The following SBNO2 variants were observed in gnomAD, a reference collection of about 807,000 sequenced individuals.
The protein encoded by SBNO2 is strawberry notch homolog 2.
In SBNO2, 89 loss-of-function variants were observed where a neutral mutation model predicts 146.3. The ratio of observed to expected loss-of-function variants is 0.61; its 90% CI spans 0.51 to 0.73. The LOEUF (loss-of-function observed/expected upper bound fraction) is 0.73. SBNO2 is among the 30% of genes least tolerant of loss of function. The probability of loss-of-function intolerance (pLI) is 0.00; values close to 1 mark genes in which losing one functional copy is unlikely to be tolerated. For synonymous variants in SBNO2, 1,147 were observed against 892.6 expected (o/e 1.29, Z -5.08); for missense variants, 2,092 against 2,003.7 (o/e 1.04, Z -0.84).
chr19:1,127,880 G>A, intron 4 of SBNO2, 115 bp from the exon 5 acceptor site: 1 of 933,342 alleles, frequency 1.1e-6, no homozygotes, highest in South Asian at 1.6e-5. Context: ...TGGAGCATGT[G>A]GGAATGGGAG....
At chr19:1,113,387 C>T in intron 19 of SBNO2, 148 bp downstream of exon 19, 1 of 735,908 alleles carries the variant, frequency 1.4e-6, no homozygotes, top group Non-Finnish European at 2.1e-6. Context: ...CGCTGCTGCC[C>T]CAGGGCTCCC....
chr19:1,125,669 C>CT (rs2079957135), intron 5 of SBNO2, among the ~76,000 whole-genome samples: 1 of 139,856 alleles, frequency 7.2e-6, no homozygotes, highest in Admixed American at 6.9e-5. Flanking sequence ...GCGAGAGACT[C>CT]TGTCTTAAAA....
At chr19:1,113,469 C>T (rs2079792497) in intron 19 of SBNO2, 66 bp downstream of exon 19, 1 of 1,377,300 alleles carries the variant, frequency 7.3e-7, no homozygotes, top group African/African-American at 1.5e-5. Flanking sequence ...TGCACACAGC[C>T]TGCGTGAAGC....
intron 3 of SBNO2, among the ~76,000 whole-genome samples, chr19:1,148,400 C>T (rs1279357098): frequency 2.0e-5 from 3 of 151,924 alleles, no homozygotes; most frequent in Admixed American, 6.5e-5. Flanking sequence ...CTCGACTGCT[C>T]GCCTGGCCAA....
At chr19:1,152,307 C>T (rs1166285634) in intron 2 of SBNO2, among the ~76,000 whole-genome samples, 1 of 152,204 alleles carries the variant, frequency 6.6e-6, no homozygotes, top group Non-Finnish European at 1.5e-5. Context: ...AATTATTTCC[C>T]CACCGTAGAG....
chr19:1,120,119 G>A (rs2079882820), intron 11 of SBNO2, 96 bp from the exon 12 acceptor site: 2 of 941,770 alleles, frequency 2.1e-6, no homozygotes, highest in African/African-American at 1.7e-5. Context: ...CCTGGTGGGG[G>A]GCAAACGCCT....
chr19:1,155,118 G>T (rs2080278372), intron 1 of SBNO2: 1 of 152,252 alleles, frequency 6.6e-6, no homozygotes, highest in Admixed American at 6.5e-5. Context: ...CTGGCCCGTG[G>T]TGGCAGGGAA....
At chr19:1,117,008 T>C (rs8112247) in intron 15 of SBNO2, 82 bp from the exon 16 acceptor site, 703,024 of 1,300,702 alleles carry the variant, frequency 0.54, 191,403 homozygotes, top group African/African-American at 0.76. Flanking sequence ...CCTGGGGTGA[T>C]GGCCACATCC....
chr19:1,145,623 G>A (rs1179590069), intron 4 of SBNO2, among the ~76,000 whole-genome samples: 1 of 152,146 alleles, frequency 6.6e-6, no homozygotes, highest in Admixed American at 6.5e-5. Context: ...TGAGGAAGGA[G>A]CCACTGCCAT....
At chr19:1,172,016 C>T (rs1282297765) in intron 1 of SBNO2, among the ~76,000 whole-genome samples, 3 of 152,182 alleles carry the variant, frequency 2.0e-5, no homozygotes, top group African/African-American at 4.8e-5. Context: ...CTCTTCTGTG[C>T]TCTGACAGGC....
intron 14 of SBNO2, 121 bp downstream of exon 14, chr19:1,118,890 A>C: frequency 2.9e-6 from 3 of 1,030,366 alleles, no homozygotes; most frequent in Non-Finnish European, 4.1e-6. Context: ...CAAAAAAAAA[A>C]CCCCAGGACA....
Position 1,159,166 on chromosome 19 carries a change from G to C in SBNO2, c.-126-4764C>G, listed in dbSNP as rs190104865. Among the ~76,000 whole-genome samples the C allele has an allele frequency of 1.7e-3, 262 of 150,374 alleles. 1 individual carries two copies. The highest frequency in any genetic ancestry group is 6.4e-3 in the African/African-American group (255 of 39,768). Reference sequence around the variant, plus strand: ...GGCAATCACCCTCTACCTGGCGGGCGCACAACTCGCATCCTAGGACCGGGT... The same window carrying C: ...GGCAATCACCCTCTACCTGGCGGGCCCACAACTCGCATCCTAGGACCGGGT... On this transcript the variant is annotated intron_variant, in intron 1 of 31. Transcript: ENST00000361757.
intron 18 of SBNO2, 129 bp from the exon 19 acceptor site, chr19:1,113,833 GGGAA>G: frequency 1.6e-6 from 2 of 1,219,498 alleles, no homozygotes; most frequent in Non-Finnish European, 1.1e-6. Flanking sequence ...CAGGGTGGCG[GGGAA>G]GCCCGGCACC....
intron 3 of SBNO2, among the ~76,000 whole-genome samples, chr19:1,147,625 C>T (rs950147399): frequency 2.0e-5 from 3 of 152,006 alleles, no homozygotes; most frequent in Admixed American, 6.5e-5. Context: ...CCTCCCACCC[C>T]CACTGGACAC....
rs2080235695 is a variant in SBNO2, at chr19:1,150,809, GC to G, written c.94-1368del. Among the ~76,000 whole-genome samples the G allele has an allele frequency of 6.6e-6, 1 of 152,202 alleles. No homozygotes were observed. ...TGGGAACCAGCCCGGATGGCCGGGG[GC>G]CACTTTCTGTACCCGCAGGTGCTGG... On this transcript the variant is annotated intron_variant, in intron 2 of 31. Coordinates refer to ENST00000361757, the MANE Select transcript of SBNO2 (RefSeq NM_014963.3). The surrounding 1 kb of genome is among the most constrained non-coding windows in gnomAD (Gnocchi z 6.2).
chr19:1,109,381 G>A lies in SBNO2; in HGVS notation c.3259C>T (p.Arg1087Cys), dbSNP rs1296982244. 1 of 1,574,914 alleles carries A rather than the reference G, an allele frequency of 6.3e-7. No homozygotes were observed. The highest frequency in any genetic ancestry group is 1.9e-5 in the Admixed American group (1 of 54,024). The change falls in exon 29 of 32, where the codon CGC (arginine) becomes TGC (cysteine). Residue 1087 changes from arginine (R) to cysteine (C), a missense_variant. By Grantham distance (180) the Arg-to-Cys change is radical. Coordinates refer to ENST00000361757, the MANE Select transcript of SBNO2 (RefSeq NM_014963.3). This position sits in a 1 kb window ranked among gnomAD's most constrained non-coding sequence, Gnocchi z 4.2. Reference sequence around the variant, plus strand: ...TTGTACACCGTGAAGAACTGGCCGCGGTTCTGCTCCGCCAGCAGGCAGCTG... The same window carrying A: ...TTGTACACCGTGAAGAACTGGCCGCAGTTCTGCTCCGCCAGCAGGCAGCTG... The part of the protein sequence containing the change: ...KPSCLLAEQN[R>C]GQFFTVYKPN...
rs1442175896 is a variant in SBNO2 at position 1,173,134 on chromosome 19, A to T, written c.-127+1038T>A. On this transcript the variant is annotated intron_variant, in intron 1 of 31. Transcript: ENST00000361757. This position sits in a 1 kb window ranked among gnomAD's most constrained non-coding sequence, Gnocchi z 4.7. The stretch of plus-strand genomic sequence containing the variant: ...CCACAACGCCTGCCCCCCACGCCCC[A>T]GGTCAGTCTGGGGATTGGTCCCTCC... Among the ~76,000 whole-genome samples the T allele has an allele frequency of 6.6e-6, 1 of 151,842 alleles. No homozygotes were observed. Among genetic ancestry groups the T allele is most frequent in the Non-Finnish European group, 1.5e-5 (1 of 67,976 alleles).
chr19:1,147,440 G>GGGGGC lies in SBNO2; in HGVS notation c.168-21_168-20insGCCCC. 1.6e-6 allele frequency: 2 copies of GGGGGC among 1,241,442 alleles called. No individual in the cohort carries two copies. Among genetic ancestry groups the GGGGGC allele is most frequent in the Non-Finnish European group, 2.2e-6 (2 of 900,924 alleles). 76.9% of individuals were successfully genotyped at this position (1,241,442 alleles called of 1,614,324 possible). Reference sequence around the variant, plus strand: ...AACGGGCTGGAGGGAGATGGGGGGGGGGGAGGTGAGATGGGGTGCTCAACC... The same window carrying GGGGGC: ...AACGGGCTGGAGGGAGATGGGGGGGGGGGGCGGGAGGTGAGATGGGGTGCTCAACC... On this transcript the variant is annotated intron_variant, in intron 3 of 31. Coordinates refer to ENST00000361757, the MANE Select transcript of SBNO2 (RefSeq NM_014963.3).
At chr19:1,159,730 C>T (rs1426977533) in intron 1 of SBNO2, among the ~76,000 whole-genome samples, 10 of 95,158 alleles carry the variant, frequency 1.1e-4, no homozygotes, top group South Asian at 4.1e-4. Flanking sequence ...CAGCAAGGGA[C>T]GGGGTGACAA....
Sources: gnomAD v4.1 joint callset for allele counts (sites outside exome capture counted in the v4.1 genomes callset) on GRCh38, gnomAD v4.1.1 for gene constraint, Gnocchi (gnomAD v3.1) non-coding constraint, MANE v1.5 for transcripts, NCBI Gene and HGNC (gene_info 2026-07-23, HGNC 2026-07-21) for gene names.